SLC38A12: variants seen among roughly 807,000 people sequenced by gnomAD.
The protein encoded by SLC38A12 is putative sodium-coupled neutral amino acid transporter 12.
the SLC38A12 span, chr17:74,819,888 TC>T: frequency 1.3e-6 from 2 of 1,552,572 alleles, no homozygotes; most frequent in South Asian, 2.2e-5. Context: ...TCTCCTCTCG[TC>T]CCTTCCCTCT....
chr17:74,791,057 G>A, the SLC38A12 span: 1 of 1,608,516 alleles, frequency 6.2e-7, no homozygotes, highest in Non-Finnish European at 8.5e-7. Context: ...TTTTGGGGGT[G>A]GGGTGTGGGG....
At chr17:74,836,289 A>T in the SLC38A12 span, 2 of 1,612,458 alleles carry the variant, frequency 1.2e-6, no homozygotes, top group South Asian at 1.1e-5. This position sits in a 1 kb window ranked among gnomAD's most constrained non-coding sequence, Gnocchi z 4.2. Context: ...CGTCTTCACC[A>T]TCAGCACCAA....
the SLC38A12 span, among the ~76,000 whole-genome samples, chr17:74,783,289 C>T: frequency 4.6e-5 from 7 of 151,870 alleles, no homozygotes; most frequent in African/African-American, 9.7e-5. Flanking sequence ...AGAAGTGAGA[C>T]GCAGCCCACG....
At chr17:74,788,864 C>A in the SLC38A12 span, 1 of 1,613,132 alleles carries the variant, frequency 6.2e-7, no homozygotes, top group Admixed American at 1.7e-5. Flanking sequence ...GGATGGAGAA[C>A]CTCAAGGTGT....
the SLC38A12 span, among the ~76,000 whole-genome samples, chr17:74,782,169 G>A: frequency 3.9e-5 from 6 of 152,212 alleles, no homozygotes; most frequent in African/African-American, 1.4e-4. Flanking sequence ...CCGGGTTCAA[G>A]TGATTCTCAT....
the SLC38A12 span, among the ~76,000 whole-genome samples, chr17:74,778,688 G>C: frequency 1.9e-5 from 2 of 104,942 alleles, no homozygotes; most frequent in East Asian, 3.0e-4. Flanking sequence ...CACTCTTGTT[G>C]CCCAGGCTGG....
chr17:74,834,798 A>G, the SLC38A12 span, among the ~76,000 whole-genome samples: 11 of 152,242 alleles, frequency 7.2e-5, no homozygotes, highest in South Asian at 2.1e-4. Flanking sequence ...AGGCTGTCAG[A>G]TATGTTCTGA....
the SLC38A12 span, among the ~76,000 whole-genome samples, chr17:74,788,158 G>A: frequency 1.5e-4 from 23 of 152,244 alleles, no homozygotes; most frequent in Non-Finnish European, 2.5e-4. Flanking sequence ...CTTGGCAAGC[G>A]TCTAATGCCA....
the SLC38A12 span, among the ~76,000 whole-genome samples, chr17:74,783,970 A>C: frequency 6.7e-6 from 1 of 148,942 alleles, no homozygotes; most frequent in Admixed American, 6.7e-5. Context: ...CTCGTGTTCC[A>C]CCCACCTCAG....
chr17:74,779,890 C>T, the SLC38A12 span, among the ~76,000 whole-genome samples: 7 of 152,188 alleles, frequency 4.6e-5, no homozygotes, highest in Admixed American at 3.3e-4. Context: ...AACAAGCAGA[C>T]GAACCTCCTA....
the SLC38A12 span, among the ~76,000 whole-genome samples, chr17:74,804,932 A>G: frequency 3.9e-5 from 6 of 152,332 alleles, no homozygotes; most frequent in South Asian, 8.3e-4. Context: ...CTGGATCAGG[A>G]AAGTGTTTCT....
At chr17:74,823,205 C>T in the SLC38A12 span, among the ~76,000 whole-genome samples, 164 of 152,186 alleles carry the variant, frequency 1.1e-3, 1 homozygote, top group Admixed American at 3.8e-3. Flanking sequence ...GTGGGGAGCT[C>T]GGGGTTGGAA....
At chr17:74,836,812 A>T in the SLC38A12 span, 2 of 1,438,074 alleles carry the variant, frequency 1.4e-6, no homozygotes, top group African/African-American at 2.9e-5. The surrounding 1 kb of genome is among the most constrained non-coding windows in gnomAD (Gnocchi z 4.2). Flanking sequence ...CTCTAGGGGA[A>T]ACCCCCTGTC....
chr17:74,777,091 C>T, the SLC38A12 span, among the ~76,000 whole-genome samples: 1 of 152,184 alleles, frequency 6.6e-6, no homozygotes, highest in African/African-American at 2.4e-5. Flanking sequence ...AAGAAACCGT[C>T]CAGATTTCTG....
At chr17:74,821,870 G>A in the SLC38A12 span, among the ~76,000 whole-genome samples, 2 of 152,220 alleles carry the variant, frequency 1.3e-5, no homozygotes, top group East Asian at 3.9e-4. Context: ...GGGGGAAAGG[G>A]CCCCGTGGGC....
chr17:74,820,840 C>G, the SLC38A12 span, among the ~76,000 whole-genome samples: 1 of 152,202 alleles, frequency 6.6e-6, no homozygotes, highest in African/African-American at 2.4e-5. Context: ...CATGCCAGGA[C>G]TCAGCAGCGG....
the SLC38A12 span, among the ~76,000 whole-genome samples, chr17:74,812,520 T>G: frequency 6.6e-6 from 1 of 152,152 alleles, no homozygotes; most frequent in African/African-American, 2.4e-5. Flanking sequence ...CATGCTGAGT[T>G]GCCATTAACC....
the SLC38A12 span, among the ~76,000 whole-genome samples, chr17:74,834,648 CG>C: frequency 3.9e-5 from 6 of 152,274 alleles, no homozygotes; most frequent in East Asian, 1.2e-3. Context: ...TGGGGCTCTG[CG>C]GGGGGCCCCA....
chr17:74,836,743 C>G, the SLC38A12 span: 5 of 1,522,034 alleles, frequency 3.3e-6, no homozygotes, highest in Non-Finnish European at 4.4e-6. This position sits in a 1 kb window ranked among gnomAD's most constrained non-coding sequence, Gnocchi z 4.2. Context: ...CCCCACCCCT[C>G]GCCCGCAGAG....
Sources: allele counts gnomAD v4.1 joint callset (sites outside exome capture counted in the v4.1 genomes callset), GRCh38; gene constraint gnomAD v4.1.1; non-coding constraint Gnocchi (gnomAD v3.1); transcripts MANE v1.5; gene names NCBI Gene and HGNC (gene_info 2026-07-23, HGNC 2026-07-21).